FER1L5: variants seen among roughly 807,000 people sequenced by gnomAD.
The protein encoded by FER1L5 is fer-1 like family member 5.
In FER1L5, 187 loss-of-function variants were observed where a neutral mutation model predicts 279.9. The ratio of observed to expected loss-of-function variants is 0.67; its 90% CI spans 0.59 to 0.75. FER1L5 has a LOEUF of 0.75. Among genes scored for constraint, FER1L5 ranks in the 30% least tolerant of loss-of-function variants. FER1L5 has a pLI of 0.00. For synonymous variants in FER1L5, 921 were observed against 989.7 expected (o/e 0.93, Z 1.30); for missense variants, 2,091 against 2,594.4 (o/e 0.81, Z 4.21).
chr2:96,679,436 C>T (rs1044896319), intron 19 of FER1L5, among the ~76,000 whole-genome samples: 1 of 152,068 alleles, frequency 6.6e-6, no homozygotes, highest in African/African-American at 2.4e-5. Context: ...GTTGGTCAGG[C>T]TGGTCTCGAT....
At chr2:96,701,819 A>AT in intron 45 of FER1L5, 136 bp from the exon 46 acceptor site, 1 of 749,294 alleles carries the variant, frequency 1.3e-6, no homozygotes, top group South Asian at 1.8e-5. Context: ...GGCCTCACAG[A>AT]TATCTCTGTA....
intron 20 of FER1L5, among the ~76,000 whole-genome samples, chr2:96,684,878 A>C (rs2076862954): frequency 6.6e-6 from 1 of 152,192 alleles, no homozygotes; most frequent in African/African-American, 2.4e-5. Context: ...AATAACCTGC[A>C]AAGCCGCGGC....
In FER1L5 at chr2:96,686,296, A is replaced by C. The variant is rs895867092; in HGVS notation, c.2175A>C (p.Ala725=). ...VPAHSVLFSP[A]GALHSGRLCG... ...CCCACTCCGTCCTCTTCTCCCCGGC[A>C]GGGGCTCTGCACTCCGGCAGGCTCT... is the stretch of plus-strand genomic sequence containing the variant. Residue 725 remains alanine, a synonymous_variant, in exon 23 of 53, where the codon GCA becomes GCC. Transcript: ENST00000624922. 1.3e-6 allele frequency: 2 copies of C among 1,551,452 alleles called. No individual in the cohort carries two copies. The highest frequency in any genetic ancestry group is 2.7e-5 in the African/African-American group (2 of 73,050).
rs777394543 is a variant in FER1L5 at position 96,702,721 on chromosome 2, A to G, written c.5377A>G (p.Thr1793Ala). 3.1e-6 allele frequency: 5 copies of G among 1,613,002 alleles called. No homozygotes were observed. The East Asian group carries it at 1.1e-4, about 36-fold the overall frequency. ...CATGGACTACCTGGCGGCGGAGCGCACGTGTGTCCAGAGCCAGAAGGTAAC... is the reference window on the plus strand; with the variant it reads ...CATGGACTACCTGGCGGCGGAGCGCGCGTGTGTCCAGAGCCAGAAGGTAAC... ...FTMDYLAAER[T>A]CVQSQKDYIW... is the part of the protein sequence containing the mutation. Residue 1793 changes from threonine (T) to alanine (A), a missense_variant, in exon 48 of 53, where the codon ACG becomes GCG. Physicochemically the swap from Thr to Ala is moderately conservative, Grantham distance 58. Transcript: ENST00000624922. The surrounding 1 kb of genome is among the most constrained non-coding windows in gnomAD (Gnocchi z 4.0).
intron 6 of FER1L5, among the ~76,000 whole-genome samples, chr2:96,651,293 TTC>T (rs762716947): frequency 9.5e-5 from 14 of 147,856 alleles, no homozygotes; most frequent in Non-Finnish European, 1.9e-4. Context: ...CTTTCTTTCT[TTC>T]TTTCTTCTTT....
At chr2:96,668,529 G>C (rs1174732936) in intron 14 of FER1L5, among the ~76,000 whole-genome samples, 1 of 152,110 alleles carries the variant, frequency 6.6e-6, no homozygotes, top group Non-Finnish European at 1.5e-5. Flanking sequence ...GCAGCACCCT[G>C]TCTGAAACAA....
At chr2:96,666,362 C>T (rs2076127087) in intron 14 of FER1L5, among the ~76,000 whole-genome samples, 1 of 151,636 alleles carries the variant, frequency 6.6e-6, no homozygotes, top group Admixed American at 6.6e-5. Flanking sequence ...CCTTCTGGTG[C>T]CGATCTCTCC....
rs2075755266 is a variant in FER1L5, at chr2:96,659,330, C to CTTCT, written c.748-1008_748-1007insTTTC. Reference sequence around the variant, plus strand: ...CCTTCCTTCCTTCCTTCCTTCCTTCCTTCCTTCCTTCCTTCCTTCCTTCCT... The same window carrying CTTCT: ...CCTTCCTTCCTTCCTTCCTTCCTTCCTTCTTTCCTTCCTTCCTTCCTTCCTTCCT... On this transcript the variant is annotated intron_variant, in intron 9 of 52. Transcript: ENST00000624922. 6.5e-5 allele frequency among the ~76,000 whole-genome samples: 5 copies of CTTCT among 77,066 alleles called. 1 individual carries two copies. Among genetic ancestry groups the CTTCT allele is most frequent in the African/African-American group, 1.0e-4 (2 of 19,784 alleles). 50.6% of individuals were successfully genotyped at this position (77,066 alleles called of 152,430 possible).
At chr2:96,663,386 A>T in intron 13 of FER1L5, 53 bp from the exon 14 acceptor site, 3 of 1,500,758 alleles carry the variant, frequency 2.0e-6, no homozygotes, top group Non-Finnish European at 1.8e-6. Context: ...AGGTGAGGTC[A>T]GTGGAGGGAG....
chr2:96,675,417 A>ATTAATTAATTAAT (rs2076475945), intron 19 of FER1L5, among the ~76,000 whole-genome samples: 2 of 152,084 alleles, frequency 1.3e-5, no homozygotes, highest in Non-Finnish European at 2.9e-5. Flanking sequence ...GCCTTTTTTA[A>ATTAATTAATTAAT]AAAAATAATT....
intron 18 of FER1L5, 116 bp from the exon 19 acceptor site, chr2:96,672,961 G>A: frequency 1.5e-6 from 2 of 1,325,882 alleles, no homozygotes; most frequent in Non-Finnish European, 2.0e-6. Flanking sequence ...CCTTTGAGAG[G>A]GAGAGAAGGG....
At chr2:96,677,802 T>A (rs894103727) in intron 19 of FER1L5, among the ~76,000 whole-genome samples, 1 of 150,842 alleles carries the variant, frequency 6.6e-6, no homozygotes, top group Non-Finnish European at 1.5e-5. Flanking sequence ...GAGGCGGAGG[T>A]TGCAGTGAGC....
intron 39 of FER1L5, 59 bp downstream of exon 39, chr2:96,697,820 A>G (rs1558926589): frequency 6.3e-7 from 1 of 1,574,948 alleles, no homozygotes; most frequent in Middle Eastern, 2.0e-4. Flanking sequence ...AGGCCAGCAG[A>G]GCTAGCCTTG....
In FER1L5 at chr2:96,668,733, C is replaced by T; in HGVS notation, c.1141-18C>T. On this transcript the variant is annotated intron_variant, in intron 14 of 52. Coordinates refer to ENST00000624922, the MANE Select transcript of FER1L5 (RefSeq NM_001293083.2). The stretch of plus-strand genomic sequence containing the variant: ...ATCCCAATGTGTACCCACCGCACCT[C>T]TCTCCTTCCCTCCACAGCTACCCTG... 1.3e-6 allele frequency: 2 copies of T among 1,551,478 alleles called. No individual in the cohort carries two copies. Among genetic ancestry groups the T allele is most frequent in the Non-Finnish European group, 1.7e-6 (2 of 1,146,902 alleles).
rs749398039 is a variant in FER1L5 at position 96,656,748 on chromosome 2, CT to C, written c.747+2268del. ...GGTCCTCTCTGCTCCCCCACTTCCT[CT>C]TTTTTTTTTTTTTTTAATTTGCAAC... On this transcript the variant is annotated intron_variant, in intron 9 of 52. Coordinates refer to ENST00000624922, the MANE Select transcript of FER1L5 (RefSeq NM_001293083.2). Among the ~76,000 whole-genome samples the C allele has an allele frequency of 6.6e-3, 930 of 140,556 alleles. 3 individuals are homozygous for C. Among genetic ancestry groups the C allele is most frequent in the African/African-American group, 0.014 (524 of 38,582 alleles). The allele number at this position is 140,556 out of a possible 152,430, so 92.2% of individuals were successfully genotyped here.
chr2:96,698,545 C>T lies in FER1L5; in HGVS notation c.4357-126C>T. 2.5e-6 allele frequency: 2 copies of T among 804,312 alleles called. No homozygotes were observed. The highest frequency in any genetic ancestry group is 3.9e-6 in the Non-Finnish European group (2 of 507,900). 49.8% of individuals were successfully genotyped at this position (804,312 alleles called of 1,614,324 possible). A position where few individuals can be genotyped will look rare whatever the true frequency, so the allele number is the denominator to read the frequency against. On this transcript the variant is annotated intron_variant, in intron 40 of 52. Coordinates refer to ENST00000624922, the MANE Select transcript of FER1L5 (RefSeq NM_001293083.2). This position sits in a 1 kb window ranked among gnomAD's most constrained non-coding sequence, Gnocchi z 5.5. ...TACCTGCCTCCACTGTCCTCATGGC[C>T]TTCTATCCCTGCCACCCTCAGCCCA...
At chr2:96,697,084 G>T (rs2077411332) in intron 37 of FER1L5, among the ~76,000 whole-genome samples, 1 of 152,210 alleles carries the variant, frequency 6.6e-6, no homozygotes, top group African/African-American at 2.4e-5. Flanking sequence ...GAATTGCTGA[G>T]GTAGGACCCA....
rs1035515292 is a variant in FER1L5, at chr2:96,652,208, G to A, written c.633+188G>A. ...TATAACTCAGAGCCCTGTATCTGAG[G>A]AGCTGGTGGGCTGGTGGGGGCACAA... On this transcript the variant is annotated intron_variant, in intron 7 of 52. Coordinates refer to ENST00000624922, the MANE Select transcript of FER1L5 (RefSeq NM_001293083.2). 3 of 774,282 alleles carry A rather than the reference G, an allele frequency of 3.9e-6. No individual in the cohort carries two copies. In the African/African-American group the frequency reaches 5.3e-5, roughly 14 times the overall value. 48.0% of individuals were successfully genotyped at this position (774,282 alleles called of 1,614,324 possible). A position where few individuals can be genotyped will look rare whatever the true frequency, so the allele number is the denominator to read the frequency against.
At chr2:96,699,851 C>A in intron 43 of FER1L5, 81 bp from the exon 44 acceptor site, 1 of 1,582,594 alleles carries the variant, frequency 6.3e-7, no homozygotes, top group South Asian at 1.2e-5. Context: ...CCCAAGCTTC[C>A]ACCCGTGGTC....
Sources: gnomAD v4.1 joint callset for allele counts (sites outside exome capture counted in the v4.1 genomes callset) on GRCh38, gnomAD v4.1.1 for gene constraint, Gnocchi (gnomAD v3.1) non-coding constraint, MANE v1.5 for transcripts, NCBI Gene and HGNC (gene_info 2026-07-23, HGNC 2026-07-21) for gene names.